Variants in HAPLN2 observed in about 807,000 individuals in gnomAD.
The protein encoded by HAPLN2 is hyaluronan and proteoglycan link protein 2.
HAPLN2 carries 27 observed loss-of-function variants against 29.3 expected under a neutral mutation model. The ratio of observed to expected loss-of-function variants is 0.92; its 90% CI spans 0.68 to 1.27. The LOEUF (loss-of-function observed/expected upper bound fraction) is 1.27, where lower values mean the gene tolerates loss of function less well. Ranked by LOEUF, HAPLN2 falls within the 50% of genes most tolerant of loss-of-function variation. The probability of loss-of-function intolerance (pLI) is 0.00; values close to 1 mark genes in which losing one functional copy is unlikely to be tolerated. For missense variants in HAPLN2, 454 were observed against 484.3 expected (o/e 0.94, Z 0.59); for synonymous variants, 208 against 211.7 (o/e 0.98, Z 0.15).
the HAPLN2 span, among the ~76,000 whole-genome samples, chr1:156,608,011 A>T: frequency 6.6e-6 from 1 of 152,202 alleles, no homozygotes; most frequent in Non-Finnish European, 1.5e-5. Context: ...TAATTTTCTG[A>T]CTTCATTAAC....
chr1:156,610,365 C>T, the HAPLN2 span, among the ~76,000 whole-genome samples: 17 of 152,088 alleles, frequency 1.1e-4, no homozygotes, highest in African/African-American at 3.6e-4. Flanking sequence ...AGGCCAGGCG[C>T]GGTGGCTTAC....
intron 6 of HAPLN2, 126 bp downstream of exon 6, chr1:156,624,909 G>GCCCCCCCCCCCCCCCCCCCCCCCC: frequency 1.0e-6 from 1 of 999,518 alleles, no homozygotes; most frequent in Non-Finnish European, 1.4e-6. Context: ...CCCCCCATCA[G>GCCCCCCCCCCCCCCCCCCCCCCCC]CCCGCCCGCC....
rs1678351104 is a variant in HAPLN2, at chr1:156,624,035, G to T, written c.314G>T (p.Arg105Met). The stretch of plus-strand genomic sequence containing the variant: ...CTGGGAGGGCGCGCCAGGATGCGGA[G>T]GGGGCATCGACTAGACGCCTCCCTG... ...GPLGGRARMR[R>M]GHRLDASLVI... The change falls in exon 4 of 7, where the codon AGG (arginine) becomes ATG (methionine). Residue 105 changes from arginine to methionine, a missense_variant. Arg to Met is a moderately conservative substitution (Grantham distance 91). Coordinates refer to ENST00000255039, the MANE Select transcript of HAPLN2 (RefSeq NM_021817.3). 2.5e-6 allele frequency: 4 copies of T among 1,612,806 alleles called. No homozygotes were observed. The East Asian group carries it at 8.9e-5, about 36-fold the overall frequency.
In HAPLN2 at chr1:156,624,134, G is replaced by C; in HGVS notation, c.413G>C (p.Ser138Thr). The C allele has an allele frequency of 6.2e-7, 1 of 1,613,522 alleles. No homozygotes were observed. The highest frequency in any genetic ancestry group is 8.5e-7 in the Non-Finnish European group (1 of 1,179,880). ...CELINGIEDE[S>T]VALTLSLEGV... is the part of the protein sequence containing the mutation. ...CTCATCAACGGCATCGAGGACGAGAGCGTGGCGCTGACCTTGAGCTTGGAG... is the reference window on the plus strand; with the variant it reads ...CTCATCAACGGCATCGAGGACGAGACCGTGGCGCTGACCTTGAGCTTGGAG... Residue 138 changes from serine to threonine, a missense_variant, in exon 4 of 7, where the codon AGC becomes ACC. Coordinates refer to ENST00000255039, the MANE Select transcript of HAPLN2 (RefSeq NM_021817.3).
chr1:156,606,082 G>A, the HAPLN2 span, among the ~76,000 whole-genome samples: 6 of 152,008 alleles, frequency 3.9e-5, no homozygotes, highest in South Asian at 2.1e-4. Flanking sequence ...TCAGGAGTTC[G>A]AGACCAGCCT....
chr1:156,603,643 G>C, the HAPLN2 span, among the ~76,000 whole-genome samples: 1 of 152,102 alleles, frequency 6.6e-6, no homozygotes, highest in Non-Finnish European at 1.5e-5. Context: ...CACTTTGCCA[G>C]CCACTCCCAA....
chr1:156,621,351 C>T (rs954430518), intron 2 of HAPLN2, among the ~76,000 whole-genome samples: 7 of 151,816 alleles, frequency 4.6e-5, no homozygotes, highest in Non-Finnish European at 8.8e-5. Flanking sequence ...GTAATCCACC[C>T]GCCTCAGCCT....
At position 156,624,699 on chromosome 1, in the gene HAPLN2, G is replaced by T; in HGVS notation, c.655G>T (p.Gly219Cys). 1 of 1,593,584 alleles carries T rather than the reference G, an allele frequency of 6.3e-7. No individual in the cohort carries two copies. Among genetic ancestry groups the T allele is most frequent in the Non-Finnish European group, 8.5e-7 (1 of 1,173,366 alleles). Residue 219 changes from glycine to cysteine, a missense_variant, in exon 6 of 7, where the codon GGC (glycine) becomes TGC (cysteine). Gly to Cys is a radical substitution (Grantham distance 159). This residue lies in a region of HAPLN2 where 235 missense variants were observed against 236.9 expected (regional missense o/e 0.99). Transcript: ENST00000255039. The part of the protein sequence containing the change: ...LTARAPCGGR[G>C]RPGIRSYGPR... ...CGCACGCGCCCCGTGCGGCGGCCGA[G>T]GCCGGCCCGGGATCCGCAGCTACGG...
chr1:156,611,344 C>A, the HAPLN2 span, among the ~76,000 whole-genome samples: 1 of 151,546 alleles, frequency 6.6e-6, no homozygotes, highest in Non-Finnish European at 1.5e-5. Context: ...GCAGGCAGAT[C>A]CCTTGAGGTC....
At chr1:156,606,941 A>C in the HAPLN2 span, among the ~76,000 whole-genome samples, 5 of 152,002 alleles carry the variant, frequency 3.3e-5, no homozygotes, top group Non-Finnish European at 5.9e-5. Context: ...GTTTTTTCAT[A>C]ATAATTTCCC....
At chr1:156,605,718 G>T in the HAPLN2 span, among the ~76,000 whole-genome samples, 2 of 152,034 alleles carry the variant, frequency 1.3e-5, no homozygotes, top group African/African-American at 2.4e-5. Context: ...GCTACAGACT[G>T]TGGGGTTTTC....
the HAPLN2 span, among the ~76,000 whole-genome samples, chr1:156,601,936 CT>C: frequency 1.5e-3 from 225 of 145,532 alleles, no homozygotes; most frequent in African/African-American, 3.5e-3. Context: ...TCATCAAGCA[CT>C]TTTTTTTTTT....
At position 156,624,047 on chromosome 1, in the gene HAPLN2, T is replaced by C. The variant is rs746158250; in HGVS notation, c.326T>C (p.Leu109Pro). Reference sequence around the variant, plus strand: ...GCCAGGATGCGGAGGGGGCATCGACTAGACGCCTCCCTGGTCATCGCGGGC... The same window carrying C: ...GCCAGGATGCGGAGGGGGCATCGACCAGACGCCTCCCTGGTCATCGCGGGC... The part of the protein sequence containing the change: ...GRARMRRGHR[L>P]DASLVIAGVR... The change falls in exon 4 of 7, where the codon CTA becomes CCA. Residue 109 changes from leucine (L) to proline (P), a missense_variant. Leu to Pro is a moderately conservative substitution (Grantham distance 98). Around this residue, in one of 3 missense-constraint regions of HAPLN2, gnomAD observed 204 missense variants for 209.2 expected, o/e 0.98. Transcript: ENST00000255039. The C allele has an allele frequency of 5.6e-6, 9 of 1,613,110 alleles. No individual in the cohort carries two copies. The highest frequency in any genetic ancestry group is 7.6e-6 in the Non-Finnish European group (9 of 1,179,806).
chr1:156,623,835 G>C lies in HAPLN2; in HGVS notation c.114G>C (p.Leu38=). 6.5e-7 allele frequency: 1 copy of C among 1,537,338 alleles called. No individual in the cohort carries two copies. Among genetic ancestry groups the C allele is most frequent in the Non-Finnish European group, 8.7e-7 (1 of 1,142,874 alleles). The change falls in exon 4 of 7, where the codon CTG becomes CTC. Residue 38 remains leucine, a synonymous_variant. Coordinates refer to ENST00000255039, the MANE Select transcript of HAPLN2 (RefSeq NM_021817.3). ...PASHPGPHYL[L]PPIHEVIHSH... is the part of the protein sequence containing the mutation. ...CCCACCCGGGCCCCCACTACCTCCT[G>C]CCCCCCATCCACGAGGTCATTCACT...
At chr1:156,609,012 A>C in the HAPLN2 span, among the ~76,000 whole-genome samples, 1 of 152,232 alleles carries the variant, frequency 6.6e-6, no homozygotes, top group Non-Finnish European at 1.5e-5. Flanking sequence ...TGATGGTAAG[A>C]ACACCAAGGA....
upstream of HAPLN2, among the ~76,000 whole-genome samples, chr1:156,616,721 G>A (rs896273854): frequency 3.3e-5 from 5 of 152,134 alleles, no homozygotes; most frequent in South Asian, 4.1e-4. Context: ...AGAGACAGTC[G>A]TGGGAGGAGG....
At chr1:156,624,990 C>T in intron 6 of HAPLN2, 111 bp from the exon 7 acceptor site, 1 of 1,354,554 alleles carries the variant, frequency 7.4e-7, no homozygotes, top group South Asian at 1.4e-5. Context: ...TCCTCTTACC[C>T]AAGCTCGATC....
At chr1:156,619,969 G>A (rs1571415627) in intron 1 of HAPLN2, 49 bp from the exon 2 acceptor site, 2 of 152,328 alleles carry the variant, frequency 1.3e-5, no homozygotes, top group South Asian at 2.1e-4. Flanking sequence ...TTGAGCACAG[G>A]ACAGAAGCTT....
upstream of HAPLN2, among the ~76,000 whole-genome samples, chr1:156,618,606 C>T (rs536724442): frequency 3.3e-5 from 5 of 151,110 alleles, no homozygotes; most frequent in Non-Finnish European, 1.5e-5. Context: ...GGGGAAACCC[C>T]GTCTCTACTT....
Sources: gnomAD v4.1 joint callset for allele counts (sites outside exome capture counted in the v4.1 genomes callset) on GRCh38, gnomAD v4.1.1 for gene constraint, gnomAD v4.1.1 regional missense constraint, MANE v1.5 for transcripts, NCBI Gene and HGNC (gene_info 2026-07-23, HGNC 2026-07-21) for gene names.